The following PAPOLG variants were observed in gnomAD, a reference collection of about 807,000 sequenced individuals.
PAPOLG encodes the protein poly(A) polymerase gamma.
In PAPOLG, 40 loss-of-function variants were observed where a neutral mutation model predicts 99.0. That is an observed-to-expected ratio of 0.40 (90% CI 0.31 to 0.53). The LOEUF is 0.53. PAPOLG is among the 20% of genes least tolerant of loss of function. PAPOLG has a pLI of 0.41. For synonymous variants in PAPOLG, 310 were observed against 299.3 expected (o/e 1.04, Z -0.37); for missense variants, 675 against 884.1 (o/e 0.76, Z 3.00).
intron 3 of PAPOLG, among the ~76,000 whole-genome samples, chr2:60,767,670 A>G (rs1034235934): frequency 2.0e-5 from 3 of 152,222 alleles, no homozygotes; most frequent in Non-Finnish European, 2.9e-5. Flanking sequence ...TCATAAGGAG[A>G]TCATGTCAGG....
intron 7 of PAPOLG, among the ~76,000 whole-genome samples, chr2:60,772,820 AT>A (rs1489431002): frequency 6.6e-6 from 1 of 152,106 alleles, no homozygotes; most frequent in Non-Finnish European, 1.5e-5. Context: ...TCAGATAATT[AT>A]GGATATTCTT....
intron 8 of PAPOLG, among the ~76,000 whole-genome samples, chr2:60,777,611 G>A (rs995231289): frequency 1.5e-4 from 23 of 152,194 alleles, no homozygotes; most frequent in East Asian, 1.9e-4. Flanking sequence ...CATAGCTTTC[G>A]GACTATCATA....
intron 9 of PAPOLG, 138 bp from the exon 10 acceptor site, chr2:60,780,569 C>A: frequency 1.2e-6 from 1 of 802,690 alleles, no homozygotes; most frequent in Non-Finnish European, 1.9e-6. Flanking sequence ...AGCCACCATG[C>A]TCGGCCTTTT....
intron 15 of PAPOLG, among the ~76,000 whole-genome samples, chr2:60,791,074 G>A (rs984378695): frequency 2.0e-5 from 3 of 150,944 alleles, no homozygotes; most frequent in African/African-American, 7.3e-5. Flanking sequence ...GGATGACAGA[G>A]CGAGAGTCTG....
At position 60,799,604 on chromosome 2, in the gene PAPOLG, G is replaced by GTTTGGTTTGTTTTGT. The variant is rs1553382030; in HGVS notation, c.*2448_*2449insGTTTGTTTTGTTTTG. 6.7e-6 allele frequency: 1 copy of GTTTGGTTTGTTTTGT among 150,206 alleles called. No homozygotes were observed. The highest frequency in any genetic ancestry group is 1.5e-5 in the Non-Finnish European group (1 of 67,660). The allele number at this position is 150,206 out of a possible 1,614,324, so 9.3% of individuals were successfully genotyped here. On this transcript the variant is annotated 3_prime_UTR_variant, in exon 22 of 22. Coordinates refer to ENST00000238714, the MANE Select transcript of PAPOLG (RefSeq NM_022894.4). ...ATGATGAGAGGCACTAAGTACATGT[G>GTTTGGTTTGTTTTGT]TTTGTTTTGTTTTGTTTTGTTTTGT...
In PAPOLG at chr2:60,783,137, G is replaced by C. The variant is rs995876277; in HGVS notation, c.1113-19G>C. 1.6e-5 allele frequency: 25 copies of C among 1,548,418 alleles called. No homozygotes were observed. The highest frequency in any genetic ancestry group is 2.1e-5 in the Non-Finnish European group (24 of 1,153,230). ...ATTTTTCTGGCTTTTTTTCCTGATT[G>C]TTGCTGAAAATTCTTCAGACATTAT... On this transcript the variant is annotated intron_variant, in intron 12 of 21. Coordinates refer to ENST00000238714, the MANE Select transcript of PAPOLG (RefSeq NM_022894.4).
At chr2:60,794,228 T>A in intron 19 of PAPOLG, 37 bp downstream of exon 19, 1 of 1,571,102 alleles carries the variant, frequency 6.4e-7, no homozygotes, top group South Asian at 1.1e-5. Context: ...CAGTAGTTGA[T>A]ATTTTTTATA....
chr2:60,790,348 G>A (rs1167029472), intron 15 of PAPOLG, among the ~76,000 whole-genome samples: 1 of 152,070 alleles, frequency 6.6e-6, no homozygotes, highest in Non-Finnish European at 1.5e-5. Flanking sequence ...GAAACTTGAG[G>A]CCCCAAGAGA....
rs539144800 is a variant in PAPOLG, at chr2:60,763,783, T to A, written c.246+1976T>A. ...CCTCCCAAATTTCTGGGATTACAGG[T>A]GTGAGCCATCACACCTGGCCTTGGT... is the stretch of plus-strand genomic sequence containing the variant. On this transcript the variant is annotated intron_variant, in intron 3 of 21. Coordinates refer to ENST00000238714, the MANE Select transcript of PAPOLG (RefSeq NM_022894.4). 5.4e-5 allele frequency among the ~76,000 whole-genome samples: 8 copies of A among 147,670 alleles called. No homozygotes were observed. In the East Asian group the frequency reaches 1.6e-3, roughly 30 times the overall value.
rs1434937870 is a variant in PAPOLG, at chr2:60,792,304, C to T, written c.1679+15C>T. On this transcript the variant is annotated intron_variant, in intron 17 of 21. Coordinates refer to ENST00000238714, the MANE Select transcript of PAPOLG (RefSeq NM_022894.4). ...GAAACAGAAAGGTCTGTCTTTATTT[C>T]AAATGTGTCCTTTTGGTTTTCTGTT... The T allele has an allele frequency of 1.3e-6, 2 of 1,577,210 alleles. No individual in the cohort carries two copies. The highest frequency in any genetic ancestry group is 8.6e-7 in the Non-Finnish European group (1 of 1,162,068).
intron 1 of PAPOLG, among the ~76,000 whole-genome samples, chr2:60,758,844 AT>A (rs1342971308): frequency 6.6e-6 from 1 of 152,136 alleles, no homozygotes; most frequent in Non-Finnish European, 1.5e-5. Flanking sequence ...ATTGTATGTT[AT>A]TTTTTACAGG....
intron 7 of PAPOLG, 108 bp downstream of exon 7, chr2:60,771,738 A>T (rs1008181788): frequency 8.0e-6 from 10 of 1,249,976 alleles, no homozygotes; most frequent in Non-Finnish European, 1.1e-5. Flanking sequence ...CTCAGTTTAA[A>T]ATGTAATTTT....
chr2:60,780,537 G>A (rs766788677), intron 9 of PAPOLG, 170 bp from the exon 10 acceptor site: 25 of 192,280 alleles, frequency 1.3e-4, no homozygotes, highest in Non-Finnish European at 2.0e-4. Flanking sequence ...CAGCTTCCCA[G>A]AGTACTGGGA....
At chr2:60,787,397 A>T in intron 14 of PAPOLG, 114 bp from the exon 15 acceptor site, 1 of 1,315,018 alleles carries the variant, frequency 7.6e-7, no homozygotes, top group South Asian at 1.6e-5. Flanking sequence ...AGACCACTGA[A>T]ATCTGTATTT....
At chr2:60,785,970 G>A (rs1230897302) in intron 13 of PAPOLG, among the ~76,000 whole-genome samples, 1 of 152,046 alleles carries the variant, frequency 6.6e-6, no homozygotes, top group Non-Finnish European at 1.5e-5. Context: ...ATTCAGGAAT[G>A]CATTACATAG....
intron 3 of PAPOLG, 98 bp downstream of exon 3, chr2:60,761,905 C>G: frequency 2.3e-6 from 2 of 857,886 alleles, no homozygotes; most frequent in Non-Finnish European, 3.8e-6. Flanking sequence ...TGAAATACAT[C>G]AAAGCTTGGC....
intron 7 of PAPOLG, 59 bp downstream of exon 7, chr2:60,771,689 T>C (rs1670855423): frequency 6.5e-7 from 1 of 1,545,088 alleles, no homozygotes. Flanking sequence ...GAAATATAGA[T>C]ATTTTTGCTG....
chr2:60,794,517 A>G, intron 19 of PAPOLG, 193 bp from the exon 20 acceptor site: 1 of 607,368 alleles, frequency 1.6e-6, no homozygotes, highest in Non-Finnish European at 2.8e-6. Context: ...ATTTAACCAA[A>G]AAGATCACCC....
At chr2:60,761,487 AT>A (rs1450343101) in intron 2 of PAPOLG, among the ~76,000 whole-genome samples, 2 of 152,168 alleles carry the variant, frequency 1.3e-5, no homozygotes, top group Non-Finnish European at 2.9e-5. Flanking sequence ...TATGATTTTT[AT>A]TAGGCTTTTT....
Sources: allele counts gnomAD v4.1 joint callset (sites outside exome capture counted in the v4.1 genomes callset), GRCh38; gene constraint gnomAD v4.1.1; transcripts MANE v1.5; gene names NCBI Gene and HGNC (gene_info 2026-07-23, HGNC 2026-07-21).